Variants in TSKS observed in about 807,000 individuals in gnomAD.
TSKS encodes the protein testis specific serine kinase substrate.
TSKS carries 27 observed loss-of-function variants against 68.0 expected under a neutral mutation model. The observed-to-expected ratio is 0.40, with a 90% CI of 0.29 to 0.55. The LOEUF is 0.55. TSKS is among the 20% of genes least tolerant of loss of function. The pLI is 0.53. For synonymous variants in TSKS, 331 were observed against 340.4 expected (o/e 0.97, Z 0.30); for missense variants, 806 against 776.0 (o/e 1.04, Z -0.46).
intron 6 of TSKS, 66 bp from the exon 7 acceptor site, chr19:49,745,462 A>G: frequency 1.5e-6 from 2 of 1,335,556 alleles, no homozygotes; most frequent in Non-Finnish European, 2.0e-6. Context: ...TACCCCCACG[A>G]GATAGGTGGG....
chr19:49,746,426 C>T (rs1304509884), intron 6 of TSKS, 44 bp downstream of exon 6: 1 of 1,608,554 alleles, frequency 6.2e-7, no homozygotes, highest in Non-Finnish European at 8.5e-7. Context: ...CCCTGAGTCC[C>T]CGCCGATCTC....
intron 5 of TSKS, 165 bp downstream of exon 5, chr19:49,747,224 C>T: frequency 6.5e-7 from 1 of 1,540,382 alleles, no homozygotes; most frequent in South Asian, 1.2e-5. Context: ...GTGTTGGAGC[C>T]TCATTTGAAT....
At chr19:49,752,473 G>A (rs1696046730) in intron 2 of TSKS, among the ~76,000 whole-genome samples, 1 of 152,006 alleles carries the variant, frequency 6.6e-6, no homozygotes, top group African/African-American at 2.4e-5. Flanking sequence ...TTGCTATGAG[G>A]CCCTCACCAA....
rs190867703 is a variant in TSKS, at chr19:49,759,923, G to T, written c.399+2081C>A. Among the ~76,000 whole-genome samples, 195 of 152,192 alleles carry T rather than the reference G, an allele frequency of 1.3e-3. No homozygotes were observed. The Middle Eastern group carries it at 0.014, about 11-fold the overall frequency. On this transcript the variant is annotated intron_variant, in intron 2 of 10. Coordinates refer to ENST00000246801, the MANE Select transcript of TSKS (RefSeq NM_021733.2). ...AATCCTAGCACTTTGGGAGGCTGAG[G>T]TGGGCGGTCATCTGAGGTCAGGAGT...
rs540314292 is a variant in TSKS at position 49,762,168 on chromosome 19, A to G, written c.235T>C (p.Cys79Arg). ...AGGTTGAGCAGTGACACGTTGGTGC[A>G]GGCCGAGGACCGTTTGAGGTTCAGG... ...WCLNLKRSSACTNVSLLNLAA... is the reference protein window; with the variant it reads ...WCLNLKRSSARTNVSLLNLAA... The change falls in exon 2 of 11, where the codon TGC becomes CGC. Residue 79 changes from cysteine to arginine, a missense_variant. Cys to Arg is a radical substitution (Grantham distance 180, BLOSUM62 -3). Transcript: ENST00000246801. The G allele has an allele frequency of 1.5e-5, 25 of 1,613,998 alleles. No homozygotes were observed. Among genetic ancestry groups the G allele is most frequent in the Non-Finnish European group, 2.1e-5 (25 of 1,180,028 alleles).
chr19:49,757,446 G>C (rs539714505), intron 2 of TSKS, among the ~76,000 whole-genome samples: 6 of 152,334 alleles, frequency 3.9e-5, no homozygotes, highest in Non-Finnish European at 7.4e-5. Flanking sequence ...CTAACCTGAA[G>C]ACTCAGAAGG....
At position 49,745,298 on chromosome 19, in the gene TSKS, C is replaced by T. The variant is rs2084287907; in HGVS notation, c.1091G>A (p.Gly364Asp). 6.2e-7 allele frequency: 1 copy of T among 1,605,682 alleles called. No individual in the cohort carries two copies. ...LLGGLGGRVD[G>D]FLGQWERAQR... ...TGCCCGCTCCCACTGGCCTAGGAAG[C>T]CGTCGACCCTGCCGCCCAGGCCCCC... is the stretch of plus-strand genomic sequence containing the variant. Residue 364 changes from glycine (G) to aspartate (D), a missense_variant, in exon 7 of 11, where the codon GGC (glycine) becomes GAC (aspartate). By Grantham distance (94) the Gly-to-Asp change is moderately conservative. Transcript: ENST00000246801.
At chr19:49,747,590 C>T in intron 4 of TSKS, 118 bp from the exon 5 acceptor site, 3 of 961,732 alleles carry the variant, frequency 3.1e-6, no homozygotes, top group Non-Finnish European at 4.8e-6. Context: ...ACAAGACACA[C>T]TCACCAGCTC....
intron 2 of TSKS, among the ~76,000 whole-genome samples, chr19:49,750,623 A>C (rs1568564128): frequency 6.6e-6 from 1 of 152,118 alleles, no homozygotes; most frequent in African/African-American, 2.4e-5. Context: ...CCAGCTGTTT[A>C]TGACCAGTTC....
At chr19:49,754,810 GGT>G (rs1422787385) in intron 2 of TSKS, among the ~76,000 whole-genome samples, 1 of 151,968 alleles carries the variant, frequency 6.6e-6, no homozygotes, top group Non-Finnish European at 1.5e-5. Flanking sequence ...GAAATTATAG[GGT>G]TGAAGGGCCA....
At chr19:49,745,455 C>T (rs1002224109) in intron 6 of TSKS, 59 bp from the exon 7 acceptor site, 60 of 1,378,826 alleles carry the variant, frequency 4.4e-5, no homozygotes, top group Non-Finnish European at 5.5e-5. Flanking sequence ...CCCCACCTAC[C>T]CCCACGAGAT....
At chr19:49,740,212 G>A in intron 9 of TSKS, 29 bp from the exon 10 acceptor site, 1 of 1,597,860 alleles carries the variant, frequency 6.3e-7, no homozygotes, top group East Asian at 2.2e-5. Context: ...GCGTAGCTGG[G>A]CTTGCTGGAC....
chr19:49,748,026 C>G, intron 4 of TSKS, 59 bp downstream of exon 4: 5 of 1,535,098 alleles, frequency 3.3e-6, no homozygotes, highest in Non-Finnish European at 4.5e-6. Flanking sequence ...CTCTTTCTCC[C>G]ACCCTCTTCT....
chr19:49,741,619 A>G (rs1200203381), intron 9 of TSKS, among the ~76,000 whole-genome samples: 1 of 152,156 alleles, frequency 6.6e-6, no homozygotes, highest in Non-Finnish European at 1.5e-5. Flanking sequence ...GTGTCCCACA[A>G]TGCACTAGAT....
intron 2 of TSKS, among the ~76,000 whole-genome samples, chr19:49,752,238 G>C (rs530530068): frequency 6.6e-6 from 1 of 151,920 alleles, no homozygotes; most frequent in African/African-American, 2.4e-5. Context: ...ACAAAAATTC[G>C]CCAGGAATAG....
In TSKS at chr19:49,744,324, T is replaced by C. The variant is rs762706613; in HGVS notation, c.1268A>G (p.Glu423Gly). 1 of 1,613,936 alleles carries C rather than the reference T, an allele frequency of 6.2e-7. No homozygotes were observed. The highest frequency in any genetic ancestry group is 8.5e-7 in the Non-Finnish European group (1 of 1,179,986). The part of the protein sequence containing the change: ...GLGPLKPILE[E>G]FGRQFQNSRR... ...AGAGTTCTGAAATTGCCGCCCGAAC[T>C]CCTCCAGAATGGGTTTCAGTGGGCC... is the stretch of plus-strand genomic sequence containing the variant. Residue 423 changes from glutamate to glycine, a missense_variant, in exon 8 of 11, where the codon GAG becomes GGG. Transcript: ENST00000246801.
intron 2 of TSKS, among the ~76,000 whole-genome samples, chr19:49,751,300 T>A (rs1331678748): frequency 3.4e-4 from 16 of 47,628 alleles, no homozygotes; most frequent in South Asian, 8.6e-4. Flanking sequence ...AGATTCCATC[T>A]CAAAAAAAAA....
At chr19:49,755,021 C>A (rs1488596425) in intron 2 of TSKS, among the ~76,000 whole-genome samples, 1 of 152,096 alleles carries the variant, frequency 6.6e-6, no homozygotes, top group Non-Finnish European at 1.5e-5. Context: ...CGCTTGAACC[C>A]AGGAGGCAGA....
In TSKS at chr19:49,741,815, T is replaced by G; in HGVS notation, c.1497+70A>C. ...GCCACACACCAGCAGTACCCTTGAG[T>G]CCGGGGTTCCCCTCCCCTTGCCCCA... On this transcript the variant is annotated intron_variant, in intron 9 of 10. Coordinates refer to ENST00000246801, the MANE Select transcript of TSKS (RefSeq NM_021733.2). 1.9e-6 allele frequency: 3 copies of G among 1,605,806 alleles called. No individual in the cohort carries two copies. The Admixed American group carries it at 5.0e-5, about 27-fold the overall frequency.
Sources: gnomAD v4.1 joint callset for allele counts (sites outside exome capture counted in the v4.1 genomes callset) on GRCh38, gnomAD v4.1.1 for gene constraint, MANE v1.5 for transcripts, NCBI Gene and HGNC (gene_info 2026-07-23, HGNC 2026-07-21) for gene names.